The following FIGN variants were observed in gnomAD, a reference collection of about 807,000 sequenced individuals.
FIGN encodes the protein fidgetin, microtubule severing factor.
FIGN carries 11 observed loss-of-function variants against 51.3 expected under a neutral mutation model. The observed-to-expected ratio is 0.21, with a 90% CI of 0.13 to 0.35. The LOEUF (loss-of-function observed/expected upper bound fraction) is 0.35, where lower values mean the gene tolerates loss of function less well. FIGN is among the 10% of genes least tolerant of loss of function. FIGN has a pLI of 1.00. For missense variants in FIGN, 857 were observed against 943.6 expected, an observed-to-expected ratio of 0.91 and a Z score of 1.20; for synonymous variants, 407 against 363.2, an observed-to-expected ratio of 1.12 and a Z score of -1.37.
chr2:163,650,408 T>C (rs989179599), intron 2 of FIGN, among the ~76,000 whole-genome samples: 3 of 152,074 alleles, frequency 2.0e-5, no homozygotes, highest in African/African-American at 4.8e-5. Context: ...TTTTTAAAAT[T>C]ATACTTTAAG....
chr2:163,658,364 GCTCTCTCTCT>G (rs55894952), intron 2 of FIGN, among the ~76,000 whole-genome samples: 4,804 of 137,520 alleles, frequency 0.035, 139 homozygotes, highest in Admixed American at 0.093. Flanking sequence ...TTAAGAAACA[GCTCTCTCTCT>G]CTCTCTCTCT....
chr2:163,676,764 T>C (rs1683977344), intron 2 of FIGN, among the ~76,000 whole-genome samples: 1 of 151,950 alleles, frequency 6.6e-6, no homozygotes, highest in African/African-American at 2.4e-5. Context: ...CTGAAACATA[T>C]CTGAACAGTA....
Position 163,609,470 on chromosome 2 carries a change from G to T in FIGN, c.*82C>A. 8.2e-7 allele frequency: 1 copy of T among 1,225,656 alleles called. No homozygotes were observed. Among genetic ancestry groups the T allele is most frequent in the Non-Finnish European group, 1.1e-6 (1 of 879,352 alleles). The allele number at this position is 1,225,656 out of a possible 1,614,324, so 75.9% of individuals were successfully genotyped here. On this transcript the variant is annotated 3_prime_UTR_variant, in exon 3 of 3. Coordinates refer to ENST00000333129, the MANE Select transcript of FIGN (RefSeq NM_018086.4). ...TACCCTTTGCAATTTAAACTCTACT[G>T]GAAAGGGGCTCTATTCCCTATGTAG...
chr2:163,684,826 G>C (rs914295181), intron 2 of FIGN, among the ~76,000 whole-genome samples: 3 of 152,050 alleles, frequency 2.0e-5, no homozygotes, highest in Admixed American at 2.0e-4. Flanking sequence ...CCAGGCTGGA[G>C]TGCACTGGCG....
chr2:163,685,015 GACCTCGTGATTC>G (rs1684124580), intron 2 of FIGN, among the ~76,000 whole-genome samples: 2 of 147,916 alleles, frequency 1.4e-5, no homozygotes, highest in African/African-American at 5.0e-5. Context: ...TCGAGCTACT[GACCTCGTGATTC>G]ACCCGCTTCA....
chr2:163,679,012 A>G (rs1488726322), intron 2 of FIGN, among the ~76,000 whole-genome samples: 4 of 152,190 alleles, frequency 2.6e-5, no homozygotes, highest in Admixed American at 2.6e-4. Flanking sequence ...TTCTTCAAAA[A>G]CTAGTCTTTG....
chr2:163,637,805 A>T (rs1432283586), intron 2 of FIGN, among the ~76,000 whole-genome samples: 1 of 152,126 alleles, frequency 6.6e-6, no homozygotes, highest in Non-Finnish European at 1.5e-5. Flanking sequence ...ACAGACCAAT[A>T]TGTATCCTAG....
At chr2:163,714,303 C>T (rs10930109) in intron 2 of FIGN, among the ~76,000 whole-genome samples, 143,403 of 152,222 alleles carry the variant, frequency 0.94, 67,634 homozygotes, top group Middle Eastern at 0.99. Context: ...ATTTACCAGA[C>T]TGCACAGAAC....
chr2:163,705,902 T>C (rs1684492017), intron 2 of FIGN, among the ~76,000 whole-genome samples: 1 of 152,154 alleles, frequency 6.6e-6, no homozygotes, highest in African/African-American at 2.4e-5. Context: ...CACTTACAAA[T>C]GACTGCATTT....
At chr2:163,627,729 A>T (rs79363377) in intron 2 of FIGN, among the ~76,000 whole-genome samples, 505 of 152,246 alleles carry the variant, frequency 3.3e-3, no homozygotes, top group Middle Eastern at 0.02. Flanking sequence ...GAACTAAAAA[A>T]GATTAAGCAA....
chr2:163,696,610 C>A (rs1404139709), intron 2 of FIGN, among the ~76,000 whole-genome samples: 1 of 152,000 alleles, frequency 6.6e-6, no homozygotes, highest in Non-Finnish European at 1.5e-5. Context: ...TCTTATAATC[C>A]TGTGAGATAG....
At chr2:163,720,390 T>C (rs1332319596) in intron 2 of FIGN, among the ~76,000 whole-genome samples, 3 of 152,162 alleles carry the variant, frequency 2.0e-5, no homozygotes, top group African/African-American at 4.8e-5. Context: ...TGTATCATGA[T>C]AGCAAATTTT....
At chr2:163,663,752 C>T (rs1683728383) in intron 2 of FIGN, among the ~76,000 whole-genome samples, 1 of 151,728 alleles carries the variant, frequency 6.6e-6, no homozygotes, top group Admixed American at 6.6e-5. Flanking sequence ...TGTGGTGGCA[C>T]ATGCCTGTAA....
intron 2 of FIGN, among the ~76,000 whole-genome samples, chr2:163,667,064 TA>T (rs1208351611): frequency 6.6e-6 from 1 of 152,154 alleles, no homozygotes; most frequent in Non-Finnish European, 1.5e-5. Flanking sequence ...CTGTATTCTC[TA>T]TTTTTGGTTA....
At chr2:163,646,659 A>G (rs955849679) in intron 2 of FIGN, among the ~76,000 whole-genome samples, 3 of 152,224 alleles carry the variant, frequency 2.0e-5, no homozygotes, top group African/African-American at 4.8e-5. Flanking sequence ...CTCTGAGCCA[A>G]ATAAACATTT....
At chr2:163,724,333 T>C (rs1464248422) in intron 2 of FIGN, among the ~76,000 whole-genome samples, 1 of 152,182 alleles carries the variant, frequency 6.6e-6, no homozygotes, top group Non-Finnish European at 1.5e-5. Flanking sequence ...TATATTCAGT[T>C]CTGAATAGAT....
At chr2:163,661,657 T>C (rs538198496) in intron 2 of FIGN, among the ~76,000 whole-genome samples, 3 of 152,304 alleles carry the variant, frequency 2.0e-5, no homozygotes, top group African/African-American at 7.2e-5. Flanking sequence ...CTTTCAGAAT[T>C]CCCATGTGTT....
chr2:163,661,660 C>A (rs1297664434), intron 2 of FIGN, among the ~76,000 whole-genome samples: 1 of 152,112 alleles, frequency 6.6e-6, no homozygotes. Context: ...TCAGAATTCC[C>A]ATGTGTTGTG....
At chr2:163,623,389 A>G (rs556485803) in intron 2 of FIGN, among the ~76,000 whole-genome samples, 155 of 152,290 alleles carry the variant, frequency 1.0e-3, no homozygotes, top group Non-Finnish European at 1.9e-3. Flanking sequence ...ATAAAACTCC[A>G]TATCTTATTG....
Sources: gnomAD v4.1 joint callset for allele counts (sites outside exome capture counted in the v4.1 genomes callset) on GRCh38, gnomAD v4.1.1 for gene constraint, MANE v1.5 for transcripts, NCBI Gene and HGNC (gene_info 2026-07-23, HGNC 2026-07-21) for gene names.